The following FTO variants were observed in gnomAD, a reference collection of about 807,000 sequenced individuals.
FTO encodes FTO alpha-ketoglutarate dependent dioxygenase.
A neutral mutation model predicts 63.9 loss-of-function variants in FTO; 47 were observed. The ratio of observed to expected loss-of-function variants is 0.74; its 90% CI spans 0.58 to 0.94. FTO has a LOEUF of 0.94. Ranked by LOEUF, FTO falls within the 40% of genes least tolerant of loss-of-function variation. The pLI, the probability that FTO is intolerant of heterozygous loss-of-function variation, is 0.00. For missense variants in FTO, 562 were observed against 618.1 expected (o/e 0.91, Z 0.96); for synonymous variants, 207 against 224.4 (o/e 0.92, Z 0.69).
intron 1 of FTO, among the ~76,000 whole-genome samples, chr16:53,721,302 A>G (rs2076035130): frequency 6.6e-6 from 1 of 152,348 alleles, no homozygotes; most frequent in African/African-American, 2.4e-5. Context: ...GGCTAGAGAC[A>G]TTATACTCTG....
At chr16:54,041,998 C>G (rs559970327) in intron 8 of FTO, among the ~76,000 whole-genome samples, 1 of 152,172 alleles carries the variant, frequency 6.6e-6, no homozygotes, top group Non-Finnish European at 1.5e-5. Context: ...TTGTGACCTT[C>G]GGTTTCTAAA....
chr16:53,838,990 C>T (rs2079386964), intron 3 of FTO, among the ~76,000 whole-genome samples: 1 of 152,154 alleles, frequency 6.6e-6, no homozygotes, highest in Non-Finnish European at 1.5e-5. Flanking sequence ...TCACTGTAAT[C>T]TCTACTGTCA....
intron 7 of FTO, among the ~76,000 whole-genome samples, chr16:53,920,525 A>G (rs902668374): frequency 2.0e-5 from 3 of 152,156 alleles, no homozygotes; most frequent in Admixed American, 6.5e-5. Context: ...GTGTGTGTGT[A>G]TATATAATTT....
At chr16:53,893,834 G>A (rs1050907568) in intron 7 of FTO, among the ~76,000 whole-genome samples, 7 of 152,166 alleles carry the variant, frequency 4.6e-5, no homozygotes, top group African/African-American at 1.4e-4. Context: ...GGTTTTGAAT[G>A]TTTTGAATTG....
At chr16:53,709,000 C>G (rs1334911556) in intron 1 of FTO, among the ~76,000 whole-genome samples, 1 of 152,162 alleles carries the variant, frequency 6.6e-6, no homozygotes, top group African/African-American at 2.4e-5. Context: ...GAAAGGTCCA[C>G]TTTATCAATG....
chr16:53,967,775 G>A (rs1406939011), intron 8 of FTO, among the ~76,000 whole-genome samples: 2 of 152,138 alleles, frequency 1.3e-5, no homozygotes, highest in African/African-American at 2.4e-5. Flanking sequence ...AGTTTGGTTC[G>A]GCCCAAGGAG....
intron 4 of FTO, among the ~76,000 whole-genome samples, chr16:53,845,433 C>T (rs1008158955): frequency 2.0e-5 from 3 of 152,132 alleles, no homozygotes; most frequent in Admixed American, 1.3e-4. Context: ...ATTCGGAGTA[C>T]AGAATAGCTC....
chr16:54,015,434 G>A (rs1282025487), intron 8 of FTO, among the ~76,000 whole-genome samples: 2 of 152,060 alleles, frequency 1.3e-5, no homozygotes, highest in South Asian at 2.1e-4. Flanking sequence ...ATTTTCAGAG[G>A]TGAAGCAATC....
At chr16:54,007,723 G>A (rs528338628) in intron 8 of FTO, among the ~76,000 whole-genome samples, 1 of 152,334 alleles carries the variant, frequency 6.6e-6, no homozygotes, top group African/African-American at 2.4e-5. Context: ...CCCATTGATT[G>A]TGACCCTAAG....
chr16:53,750,975 G>T (rs543106388), intron 1 of FTO, among the ~76,000 whole-genome samples: 17 of 152,310 alleles, frequency 1.1e-4, no homozygotes, highest in Admixed American at 9.8e-4. Flanking sequence ...GACATTCCTG[G>T]TTTGTTTAAA....
chr16:53,822,797 C>T (rs1283247908), intron 2 of FTO, among the ~76,000 whole-genome samples: 1 of 152,190 alleles, frequency 6.6e-6, no homozygotes, highest in Admixed American at 6.5e-5. Flanking sequence ...TGCCCCACCA[C>T]TCTTCCAGAT....
intron 7 of FTO, among the ~76,000 whole-genome samples, chr16:53,901,963 A>G (rs1040928852): frequency 5.9e-5 from 9 of 152,316 alleles, no homozygotes; most frequent in African/African-American, 2.2e-4. Context: ...AGTGACATAG[A>G]GAAATGATAC....
At chr16:53,960,339 C>T (rs1259960051) in intron 8 of FTO, among the ~76,000 whole-genome samples, 1 of 152,148 alleles carries the variant, frequency 6.6e-6, no homozygotes, top group Non-Finnish European at 1.5e-5. Context: ...TGTATAAATC[C>T]ACTCACTACA....
intron 1 of FTO, among the ~76,000 whole-genome samples, chr16:53,761,527 GT>G: frequency 6.6e-6 from 1 of 152,278 alleles, no homozygotes; most frequent in Admixed American, 6.5e-5. Flanking sequence ...GTATGTCAGA[GT>G]TTCTTTTCCT....
upstream of FTO, chr16:53,704,099 A>G (rs1971791026): frequency 1.5e-6 from 2 of 1,316,162 alleles, no homozygotes; most frequent in East Asian, 2.5e-5. Context: ...CGGGAGCAGG[A>G]CGCTGAGAGA....
chr16:54,006,983 A>G (rs1253429493), intron 8 of FTO, among the ~76,000 whole-genome samples: 1 of 152,166 alleles, frequency 6.6e-6, no homozygotes, highest in Non-Finnish European at 1.5e-5. Context: ...TGGTTTCCTG[A>G]TGGAGGTTAG....
chr16:54,063,517 T>C (rs1160281911), intron 8 of FTO: 1 of 152,196 alleles, frequency 6.6e-6, no homozygotes, highest in African/African-American at 2.4e-5. Context: ...TTTGTTGTAA[T>C]TATCCTTGAG....
intron 8 of FTO, chr16:54,071,848 T>C (rs1599316378): frequency 6.6e-6 from 1 of 152,134 alleles, no homozygotes; most frequent in African/African-American, 2.4e-5. Flanking sequence ...GATCCATCAA[T>C]TTAGGCTTTC....
chr16:54,100,651 C>A (rs1339524741), intron 8 of FTO, among the ~76,000 whole-genome samples: 2 of 152,184 alleles, frequency 1.3e-5, no homozygotes, highest in Non-Finnish European at 2.9e-5. Flanking sequence ...CTGTGCCAAG[C>A]CTTATTGGCT....
Sources: allele counts gnomAD v4.1 joint callset (sites outside exome capture counted in the v4.1 genomes callset), GRCh38; gene constraint gnomAD v4.1.1; transcripts MANE v1.5; gene names NCBI Gene and HGNC (gene_info 2026-07-23, HGNC 2026-07-21).